BSN: variants seen among roughly 807,000 people sequenced by gnomAD.
BSN encodes bassoon presynaptic cytomatrix protein.
A neutral mutation model predicts 264.8 loss-of-function variants in BSN; 57 were observed. That is an observed-to-expected ratio of 0.22 (90% CI 0.17 to 0.27). The LOEUF (loss-of-function observed/expected upper bound fraction) is 0.27. Ranked by LOEUF, BSN falls within the 10% of genes least tolerant of loss-of-function variation. The pLI is 1.00. For missense variants in BSN, 4,615 were observed against 5,232.5 expected, an observed-to-expected ratio of 0.88 and a Z score of 3.64; for synonymous variants, 2,059 against 2,137.3, an observed-to-expected ratio of 0.96 and a Z score of 1.01.
At chr3:49,617,146 T>G (rs2052264931) in intron 1 of BSN, among the ~76,000 whole-genome samples, 1 of 152,072 alleles carries the variant, frequency 6.6e-6, no homozygotes, top group South Asian at 2.1e-4. Flanking sequence ...CAATATCTAA[T>G]GCATGTGGGG....
intron 1 of BSN, among the ~76,000 whole-genome samples, chr3:49,608,000 G>C (rs2052172375): frequency 6.6e-6 from 1 of 152,224 alleles, no homozygotes; most frequent in Admixed American, 6.5e-5. Flanking sequence ...TGGGAGGGAA[G>C]AATGGGAGGA....
chr3:49,604,930 C>G (rs768233450), intron 1 of BSN, among the ~76,000 whole-genome samples: 30 of 151,946 alleles, frequency 2.0e-4, no homozygotes, highest in Non-Finnish European at 3.5e-4. Context: ...TCTGGGATGT[C>G]CTTCCCAGGG....
At chr3:49,560,700 T>G (rs1253962743) in intron 1 of BSN, among the ~76,000 whole-genome samples, 1 of 152,190 alleles carries the variant, frequency 6.6e-6, no homozygotes, top group Non-Finnish European at 1.5e-5. Flanking sequence ...GAGCTCCTTT[T>G]CTGGAGGGAC....
At chr3:49,589,648 A>G (rs2051962843) in intron 1 of BSN, among the ~76,000 whole-genome samples, 2 of 150,364 alleles carry the variant, frequency 1.3e-5, no homozygotes, top group Admixed American at 6.7e-5. Context: ...CTGTGACTAC[A>G]GGCGCATGCC....
At chr3:49,649,897 C>G (rs1390783382) in intron 3 of BSN, among the ~76,000 whole-genome samples, 1 of 152,222 alleles carries the variant, frequency 6.6e-6, no homozygotes, top group Non-Finnish European at 1.5e-5. Context: ...GGCCACCACA[C>G]ATAGTCCCCA....
At chr3:49,581,171 G>A (rs1401169007) in intron 1 of BSN, among the ~76,000 whole-genome samples, 1 of 152,020 alleles carries the variant, frequency 6.6e-6, no homozygotes, top group Non-Finnish European at 1.5e-5. Context: ...TAGTAGTAAA[G>A]ACTGGGTTTC....
At position 49,653,156 on chromosome 3, in the gene BSN, G is replaced by A. The variant is rs1445199737; in HGVS notation, c.3600G>A (p.Arg1200=). The A allele has an allele frequency of 6.2e-7, 1 of 1,612,622 alleles. No individual in the cohort carries two copies. The highest frequency in any genetic ancestry group is 8.5e-7 in the Non-Finnish European group (1 of 1,179,828). ...TGCGCAAAGCTGAGCTGCTCCAGAG[G>A]CAGCAAGGCCAGGCAGCAGGGGCCC... ...EMMRKAELLQ[R]QQGQAAGARG... The change falls in exon 5 of 12, where the codon AGG becomes AGA. Residue 1200 remains arginine (R), a synonymous_variant. Transcript: ENST00000296452. This position sits in a 1 kb window ranked among gnomAD's most constrained non-coding sequence, Gnocchi z 6.3.
chr3:49,642,502 C>T lies in BSN; in HGVS notation c.868C>T (p.Pro290Ser), dbSNP rs764287938. 2 of 1,567,488 alleles carry T rather than the reference C, an allele frequency of 1.3e-6. No homozygotes were observed. Among genetic ancestry groups the T allele is most frequent in the African/African-American group, 1.4e-5 (1 of 73,454 alleles). Residue 290 changes from proline (P) to serine (S), a missense_variant, in exon 3 of 12, where the codon CCT becomes TCT. Physicochemically the swap from Pro to Ser is moderately conservative, Grantham distance 74. Coordinates refer to ENST00000296452, the MANE Select transcript of BSN (RefSeq NM_003458.4). This position sits in a 1 kb window ranked among gnomAD's most constrained non-coding sequence, Gnocchi z 7.0. ...AGCCAGGGCCACCTCAGTGCCGGGG[C>T]CTGCCCAAGCAGCTGCCCCTCCAGA... ...ETARATSVPG[P>S]AQAAAPPEVG...
At chr3:49,658,396 G>C (rs368871703) in intron 5 of BSN, among the ~76,000 whole-genome samples, 200 bp downstream of exon 5, 1 of 152,090 alleles carries the variant, frequency 6.6e-6, no homozygotes, top group South Asian at 2.1e-4. Context: ...GGCAGATACA[G>C]ACACACACAT....
In BSN at chr3:49,668,441, G is replaced by C. The variant is rs759138806; in HGVS notation, c.*956G>C. On this transcript the variant is annotated 3_prime_UTR_variant, in exon 12 of 12. Transcript: ENST00000296452. ...CTCTCCCCCTTTCTCTCTTCTCTTG[G>C]CTCACTCCCTTGCCTCTCCCCCTCC... 6.6e-6 allele frequency: 1 copy of C among 152,170 alleles called. No homozygotes were observed. The highest frequency in any genetic ancestry group is 6.6e-5 in the Admixed American group (1 of 15,228). The allele number at this position is 152,170 out of a possible 1,614,324, so 9.4% of individuals were successfully genotyped here.
chr3:49,592,248 T>C (rs545435809), intron 1 of BSN, among the ~76,000 whole-genome samples: 3 of 151,620 alleles, frequency 2.0e-5, no homozygotes, highest in African/African-American at 7.2e-5. Flanking sequence ...TACCTGGGAT[T>C]ACAGGCACGC....
At chr3:49,615,591 G>T (rs2052253984) in intron 1 of BSN, among the ~76,000 whole-genome samples, 1 of 152,182 alleles carries the variant, frequency 6.6e-6, no homozygotes, top group East Asian at 1.9e-4. Flanking sequence ...TCTCCAGCCA[G>T]CAGACAGCAC....
At chr3:49,561,513 CAGGTAACA>C (rs1266033851) in intron 1 of BSN, among the ~76,000 whole-genome samples, 1 of 152,066 alleles carries the variant, frequency 6.6e-6, no homozygotes, top group Non-Finnish European at 1.5e-5. Flanking sequence ...TGTTTGCAGG[CAGGTAACA>C]AGGGTCACTC....
At chr3:49,665,966 T>TCCTGGCCCTGGC (rs780944112) in intron 11 of BSN, among the ~76,000 whole-genome samples, 2 of 152,238 alleles carry the variant, frequency 1.3e-5, no homozygotes, top group Non-Finnish European at 2.9e-5. Flanking sequence ...CTGGAGCCTG[T>TCCTGGCCCTGGC]CCTGGCCCTG....
chr3:49,649,365 T>C (rs927482807), intron 3 of BSN, among the ~76,000 whole-genome samples: 4 of 152,224 alleles, frequency 2.6e-5, no homozygotes, highest in Non-Finnish European at 5.9e-5. Flanking sequence ...GTGAGTTCCC[T>C]GCAGGACGGA....
In BSN at chr3:49,585,394, G is replaced by T. The variant is rs1391403865; in HGVS notation, c.224+30568G>T. 6.6e-6 allele frequency among the ~76,000 whole-genome samples: 1 copy of T among 152,090 alleles called. No individual in the cohort carries two copies. Among genetic ancestry groups the T allele is most frequent in the Non-Finnish European group, 1.5e-5 (1 of 68,014 alleles). On this transcript the variant is annotated intron_variant, in intron 1 of 11. Transcript: ENST00000296452. The surrounding 1 kb of genome is among the most constrained non-coding windows in gnomAD (Gnocchi z 4.7). ...TTCCTCTCGGAACTCCTCCCCTCGT[G>T]CTTCTTCCTCTGGTGAGGCCGGCGC...
Position 49,661,066 on chromosome 3 carries a change from G to A in BSN, c.9221G>A (p.Gly3074Glu), listed in dbSNP as rs201691070. Residue 3074 changes from glycine (G) to glutamate (E), a missense_variant, in exon 6 of 12, where the codon GGA becomes GAA. Physicochemically the swap from Gly to Glu is moderately conservative, Grantham distance 98 (BLOSUM62 -2). Coordinates refer to ENST00000296452, the MANE Select transcript of BSN (RefSeq NM_003458.4). ...GGCAGTGGTGGGCCAACTCAGAACG[G>A]ATTCCCAGCCCACCAGGCCCCCACC... ...SAGSGGPTQN[G>E]FPAHQAPTYP... The A allele has an allele frequency of 3.1e-6, 5 of 1,611,922 alleles. No homozygotes were observed. The highest frequency in any genetic ancestry group is 8.5e-7 in the Non-Finnish European group (1 of 1,179,854).
Position 49,669,047 on chromosome 3 carries a change from T to C in BSN, c.*1562T>C, listed in dbSNP as rs1342245574. On this transcript the variant is annotated 3_prime_UTR_variant, in exon 12 of 12. Coordinates refer to ENST00000296452, the MANE Select transcript of BSN (RefSeq NM_003458.4). ...ATGTTTGACCTGTGGCAGGACTCGC[T>C]GCTGCCAGGTGAGTCACCGCCTGTC... The C allele has an allele frequency of 6.9e-6, 1 of 144,126 alleles. No individual in the cohort carries two copies. Among genetic ancestry groups the C allele is most frequent in the Non-Finnish European group, 1.5e-5 (1 of 66,336 alleles). The allele number at this position is 144,126 out of a possible 1,614,324, so 8.9% of individuals were successfully genotyped here. A position where few individuals can be genotyped will look rare whatever the true frequency, so the allele number is the denominator to read the frequency against.
chr3:49,664,997 T>C, intron 10 of BSN, 144 bp downstream of exon 10: 1 of 670,992 alleles, frequency 1.5e-6, no homozygotes, highest in South Asian at 1.7e-5. Context: ...AATGTTCCCT[T>C]CTCTGAATGT....
Sources: allele counts gnomAD v4.1 joint callset (sites outside exome capture counted in the v4.1 genomes callset), GRCh38; gene constraint gnomAD v4.1.1; non-coding constraint Gnocchi (gnomAD v3.1); transcripts MANE v1.5; gene names NCBI Gene and HGNC (gene_info 2026-07-23, HGNC 2026-07-21).